ALK: variants seen among roughly 807,000 people sequenced by gnomAD.
ALK encodes ALK receptor tyrosine kinase.
In ALK, 74 loss-of-function variants were observed where a neutral mutation model predicts 163.1. The observed-to-expected ratio is 0.45, with a 90% CI of 0.38 to 0.55. The LOEUF (loss-of-function observed/expected upper bound fraction) is 0.55. Among genes scored for constraint, ALK ranks in the 20% least tolerant of loss-of-function variants. ALK has a pLI of 0.00. For synonymous variants in ALK, 960 were observed against 843.2 expected, an observed-to-expected ratio of 1.14 and a Z score of -2.40; for missense variants, 2,063 against 2,105.3, an observed-to-expected ratio of 0.98 and a Z score of 0.39.
At chr2:29,666,401 T>C (rs1049645962) in intron 3 of ALK, among the ~76,000 whole-genome samples, 2 of 152,042 alleles carry the variant, frequency 1.3e-5, no homozygotes, top group Admixed American at 6.6e-5. Context: ...TGTTGAGTCA[T>C]AGAATAAGAA....
chr2:29,373,654 T>C (rs755605798), intron 5 of ALK, among the ~76,000 whole-genome samples: 1 of 152,236 alleles, frequency 6.6e-6, no homozygotes. Context: ...TTAATAATTA[T>C]GGATAAGCCA....
chr2:29,346,952 T>C (rs909947991), intron 5 of ALK, among the ~76,000 whole-genome samples: 1 of 152,226 alleles, frequency 6.6e-6, no homozygotes, highest in African/African-American at 2.4e-5. Context: ...CATAAATCCT[T>C]ACCCGATGGT....
At chr2:29,253,853 T>C (rs1396012659) in intron 11 of ALK, among the ~76,000 whole-genome samples, 1 of 118,628 alleles carries the variant, frequency 8.4e-6, no homozygotes, top group Admixed American at 7.6e-5. Context: ...ATTAGATAGA[T>C]AGATAGATAG....
intron 4 of ALK, among the ~76,000 whole-genome samples, chr2:29,478,712 T>A (rs1671588575): frequency 6.6e-6 from 1 of 152,196 alleles, no homozygotes. Context: ...AAGAAAGCGG[T>A]CACTCAAAGG....
At chr2:29,294,719 A>G (rs191873207) in intron 9 of ALK, among the ~76,000 whole-genome samples, 106 of 152,320 alleles carry the variant, frequency 7.0e-4, no homozygotes, top group African/African-American at 2.4e-3. Flanking sequence ...GTGAAATTAT[A>G]CTGTTATTAT....
At chr2:29,390,310 C>G (rs1669133277) in intron 4 of ALK, among the ~76,000 whole-genome samples, 1 of 152,132 alleles carries the variant, frequency 6.6e-6, no homozygotes, top group African/African-American at 2.4e-5. Flanking sequence ...GATGCCCAAA[C>G]TCACGGGTGA....
At chr2:29,380,609 T>G (rs1366791948) in intron 5 of ALK, among the ~76,000 whole-genome samples, 1 of 152,138 alleles carries the variant, frequency 6.6e-6, no homozygotes, top group Non-Finnish European at 1.5e-5. Context: ...GTTTTTTGTT[T>G]TTTTAGTAGA....
intron 6 of ALK, among the ~76,000 whole-genome samples, chr2:29,327,591 C>G (rs531882143): frequency 9.9e-5 from 15 of 152,126 alleles, no homozygotes; most frequent in African/African-American, 3.6e-4. Context: ...AGAGATACTA[C>G]AGGTTCCTTT....
intron 1 of ALK, among the ~76,000 whole-genome samples, chr2:29,895,923 G>A (rs1667256525): frequency 6.6e-6 from 1 of 152,134 alleles, no homozygotes; most frequent in African/African-American, 2.4e-5. Flanking sequence ...TTTTTCCCTG[G>A]TCTTCCCTAC....
chr2:29,555,733 T>G (rs764968662), intron 3 of ALK, among the ~76,000 whole-genome samples: 3 of 152,342 alleles, frequency 2.0e-5, no homozygotes, highest in East Asian at 1.9e-4. Flanking sequence ...TCCTAATGGC[T>G]GCAGGTAGTG....
At chr2:29,194,566 C>A (rs564794429) in intron 28 of ALK, among the ~76,000 whole-genome samples, 41 of 152,274 alleles carry the variant, frequency 2.7e-4, no homozygotes, top group African/African-American at 9.9e-4. Flanking sequence ...ATGGCTCAAT[C>A]TTGGCTCACT....
intron 26 of ALK, among the ~76,000 whole-genome samples, chr2:29,198,324 T>C (rs1669074972): frequency 7.8e-6 from 1 of 128,932 alleles, no homozygotes; most frequent in Non-Finnish European, 1.6e-5. Flanking sequence ...TGGAACTCTT[T>C]CTGTACACAC....
chr2:29,788,910 C>A (rs547027923), intron 1 of ALK, among the ~76,000 whole-genome samples: 81 of 152,254 alleles, frequency 5.3e-4, no homozygotes, highest in African/African-American at 1.7e-3. Context: ...ACACTTCTTT[C>A]TGAAGGTAAA....
chr2:29,210,518 T>C (rs566519968), intron 24 of ALK, among the ~76,000 whole-genome samples: 134 of 152,246 alleles, frequency 8.8e-4, no homozygotes, highest in Admixed American at 2.1e-3. Context: ...CTGCAACCTC[T>C]GCCTCCCGGG....
At chr2:29,239,337 G>A (rs943374723) in intron 13 of ALK, among the ~76,000 whole-genome samples, 1 of 152,142 alleles carries the variant, frequency 6.6e-6, no homozygotes, top group Non-Finnish European at 1.5e-5. Flanking sequence ...GGGGGTCCTG[G>A]GTGCTAGAAC....
rs1369528579 is a variant in ALK at position 29,633,827 on chromosome 2, C to G, written c.952+61023G>C. Among the ~76,000 whole-genome samples, 3 of 152,042 alleles carry G rather than the reference C, an allele frequency of 2.0e-5. No homozygotes were observed. The East Asian group carries it at 5.8e-4, about 29-fold the overall frequency. The stretch of plus-strand genomic sequence containing the variant: ...ATTTAACAACATAGATAAAATGGGC[C>G]AATTCCTTGAAAAACACAAACCACC... On this transcript the variant is annotated intron_variant, in intron 3 of 28. Coordinates refer to ENST00000389048, the MANE Select transcript of ALK (RefSeq NM_004304.5).
At chr2:29,431,379 T>C (rs1466878894) in intron 4 of ALK, among the ~76,000 whole-genome samples, 1 of 152,164 alleles carries the variant, frequency 6.6e-6, no homozygotes, top group African/African-American at 2.4e-5. Context: ...AAGGAGGAGA[T>C]GGGAATCAAT....
At chr2:29,675,901 T>G (rs1677858034) in intron 3 of ALK, among the ~76,000 whole-genome samples, 1 of 151,994 alleles carries the variant, frequency 6.6e-6, no homozygotes, top group South Asian at 2.1e-4. Flanking sequence ...TTTTAAAAAT[T>G]TTGTTGTAGA....
chr2:29,888,329 GCTTA>G (rs375114361), intron 1 of ALK, among the ~76,000 whole-genome samples: 25 of 146,014 alleles, frequency 1.7e-4, no homozygotes, highest in African/African-American at 5.9e-4. Flanking sequence ...ACATTTACTT[GCTTA>G]CTTAAGGAAT....
Sources: allele counts gnomAD v4.1 joint callset (sites outside exome capture counted in the v4.1 genomes callset), GRCh38; gene constraint gnomAD v4.1.1; transcripts MANE v1.5; gene names NCBI Gene and HGNC (gene_info 2026-07-23, HGNC 2026-07-21).